Variants in CDHR2 observed in about 807,000 individuals in gnomAD.
The protein encoded by CDHR2 is cadherin-related family member 2.
Under a neutral mutation model 138.6 loss-of-function variants are expected in CDHR2, and 104 were observed. The observed-to-expected ratio is 0.75, with a 90% CI of 0.64 to 0.88. CDHR2 has a LOEUF of 0.88. Among genes scored for constraint, CDHR2 ranks in the 40% least tolerant of loss-of-function variants. CDHR2 has a pLI of 0.00. For missense variants in CDHR2, 1,624 were observed against 1,727.6 expected, an observed-to-expected ratio of 0.94 and a Z score of 1.06; for synonymous variants, 755 against 742.8, an observed-to-expected ratio of 1.02 and a Z score of -0.27.
Position 176,578,485 on chromosome 5 carries a change from C to T in CDHR2, c.1695C>T (p.Asn565=), listed in dbSNP as rs773673735. Residue 565 remains asparagine (N), a synonymous_variant, in exon 16 of 32, where the codon AAC becomes AAT. Transcript: ENST00000261944. The part of the protein sequence containing the change: ...YLTLQATDGG[N]LSSSTTLQIH... ...CGCTGCAGGCCACAGACGGCGGGAA[C>T]CTGTCCTCCTCCACCACACTGCAGA... 2 of 1,613,928 alleles carry T rather than the reference C, an allele frequency of 1.2e-6. No individual in the cohort carries two copies. Among genetic ancestry groups the T allele is most frequent in the Non-Finnish European group, 1.7e-6 (2 of 1,179,864 alleles).
Position 176,576,191 on chromosome 5 carries a change from C to T in CDHR2, c.1194+6C>T, listed in dbSNP as rs373756781. 6.9e-6 allele frequency: 9 copies of T among 1,305,714 alleles called. No homozygotes were observed. The highest frequency in any genetic ancestry group is 4.4e-5 in the African/African-American group (3 of 67,544). The allele number at this position is 1,305,714 out of a possible 1,614,324, so 80.9% of individuals were successfully genotyped here. A position where few individuals can be genotyped will look rare whatever the true frequency, so the allele number is the denominator to read the frequency against. Reference sequence around the variant, plus strand: ...TGGTCTACGACCCGGACAAGGCAGGCGTGGTGGCGTGGGTGTGGGCGGGGG... The same window carrying T: ...TGGTCTACGACCCGGACAAGGCAGGTGTGGTGGCGTGGGTGTGGGCGGGGG... On this transcript the variant is annotated splice_donor_region_variant and intron_variant, in intron 12 of 31. Coordinates refer to ENST00000261944, the MANE Select transcript of CDHR2 (RefSeq NM_017675.6). This position sits in a 1 kb window ranked among gnomAD's most constrained non-coding sequence, Gnocchi z 4.5.
At chr5:176,551,025 T>C (rs571126795) in intron 1 of CDHR2, among the ~76,000 whole-genome samples, 2 of 152,304 alleles carry the variant, frequency 1.3e-5, no homozygotes, top group East Asian at 3.9e-4. Context: ...GCACTTTCTT[T>C]TTGAGACGGA....
rs779701561 is a variant in CDHR2, at chr5:176,553,451, G to C, written c.-16+4037G>C. Among the ~76,000 whole-genome samples, 1 of 152,172 alleles carries C rather than the reference G, an allele frequency of 6.6e-6. No individual in the cohort carries two copies. The highest frequency in any genetic ancestry group is 1.5e-5 in the Non-Finnish European group (1 of 68,018). ...AGGGCAGGAATCTCCTGTCCTGCAG[G>C]CTGGACCCAGGGGAACTTTGTAATG... is the stretch of plus-strand genomic sequence containing the variant. On this transcript the variant is annotated intron_variant, in intron 1 of 31. Transcript: ENST00000261944. The surrounding 1 kb of genome is among the most constrained non-coding windows in gnomAD (Gnocchi z 4.3).
At chr5:176,570,411 TCA>T (rs1758197374) in intron 5 of CDHR2, among the ~76,000 whole-genome samples, 1 of 152,196 alleles carries the variant, frequency 6.6e-6, no homozygotes, top group East Asian at 1.9e-4. Context: ...AGTGGTGCAA[TCA>T]CAGCTCACAT....
chr5:176,590,670 C>T lies in CDHR2; in HGVS notation c.3522C>T (p.Phe1174=), dbSNP rs145867125. 1.6e-5 allele frequency: 26 copies of T among 1,613,262 alleles called. No homozygotes were observed. Among genetic ancestry groups the T allele is most frequent in the South Asian group, 6.6e-5 (6 of 91,042 alleles). ...TCCTTGTGATCATGACCATGGCCTT[C>T]GTGTGTGTGCGGAAGAGGTGCGGCT... The part of the protein sequence containing the change: ...LLVLVIMTMA[F]VCVRKSYNRK... The change falls in exon 28 of 32, where the codon TTC becomes TTT. Residue 1174 remains phenylalanine, a synonymous_variant. Transcript: ENST00000261944.
chr5:176,576,999 G>C lies in CDHR2; in HGVS notation c.1195-400G>C, dbSNP rs901149600. On this transcript the variant is annotated intron_variant, in intron 12 of 31. Transcript: ENST00000261944. This position sits in a 1 kb window ranked among gnomAD's most constrained non-coding sequence, Gnocchi z 4.5. ...ACTGAGGGGTTGGAAATGTTGCGTG[G>C]AGGACAGTGTCGGGTGGGGTTAGGT... Among the ~76,000 whole-genome samples, 11 of 152,058 alleles carry C rather than the reference G, an allele frequency of 7.2e-5. No individual in the cohort carries two copies. The highest frequency in any genetic ancestry group is 2.7e-4 in the African/African-American group (11 of 41,380).
At chr5:176,572,854 C>T (rs1758269245) in intron 6 of CDHR2, among the ~76,000 whole-genome samples, 1 of 152,188 alleles carries the variant, frequency 6.6e-6, no homozygotes, top group African/African-American at 2.4e-5. Context: ...GCAAGACAGA[C>T]CTGGTTGCTA....
In CDHR2 at chr5:176,581,263, GA is replaced by G. The variant is rs1212690505; in HGVS notation, c.1819-79del. On this transcript the variant is annotated intron_variant, in intron 16 of 31. Coordinates refer to ENST00000261944, the MANE Select transcript of CDHR2 (RefSeq NM_017675.6). ...ACTGCCTGCGTGGGCCAGCGCTGGA[GA>G]GGAGGGTCCGGCTGCATCGGAGGGG... 3 of 1,571,764 alleles carry G rather than the reference GA, an allele frequency of 1.9e-6. No individual in the cohort carries two copies. In the African/African-American group the frequency reaches 4.0e-5, roughly 21 times the overall value.
intron 24 of CDHR2, 151 bp downstream of exon 24, chr5:176,589,767 G>A (rs1758797183): frequency 1.1e-5 from 8 of 730,322 alleles, no homozygotes; most frequent in South Asian, 5.2e-5. Flanking sequence ...TCACCTGCAC[G>A]ACGTTCTTGC....
At chr5:176,591,162 A>G (rs1758832192) in intron 28 of CDHR2, 48 bp from the exon 29 acceptor site, 1 of 1,321,074 alleles carries the variant, frequency 7.6e-7, no homozygotes, top group Admixed American at 1.7e-5. Flanking sequence ...CACTGGGGAC[A>G]CAACAGGTGT....
At chr5:176,542,557 C>A (rs1028197376) in exon 1 of CDHR2, 1 of 152,178 alleles carries the variant, frequency 6.6e-6, no homozygotes, top group Non-Finnish European at 1.5e-5. Context: ...AAACCGAGGG[C>A]TGCAGGAGTG....
chr5:176,593,765 G>C (rs1271743196), intron 31 of CDHR2, among the ~76,000 whole-genome samples: 7 of 152,172 alleles, frequency 4.6e-5, no homozygotes, highest in Non-Finnish European at 1.0e-4. Flanking sequence ...TCCTTACATG[G>C]AAAGATTTGG....
In CDHR2 at chr5:176,591,166, C is replaced by T. The variant is rs367556742; in HGVS notation, c.3540-44C>T. 1.1e-4 allele frequency: 145 copies of T among 1,350,244 alleles called. No individual in the cohort carries two copies. In the African/African-American group the frequency reaches 1.7e-3, roughly 16 times the overall value. 83.6% of individuals were successfully genotyped at this position (1,350,244 alleles called of 1,614,324 possible). ...CTCAGGGCCTCCACTGGGGACACAACAGGTGTGCAGCAACAGTGTGACCCC... is the reference window on the plus strand; with the variant it reads ...CTCAGGGCCTCCACTGGGGACACAATAGGTGTGCAGCAACAGTGTGACCCC... On this transcript the variant is annotated intron_variant, in intron 28 of 31. Coordinates refer to ENST00000261944, the MANE Select transcript of CDHR2 (RefSeq NM_017675.6).
chr5:176,552,953 T>C (rs1465790333), intron 1 of CDHR2, among the ~76,000 whole-genome samples: 3 of 152,200 alleles, frequency 2.0e-5, no homozygotes, highest in Non-Finnish European at 4.4e-5. Flanking sequence ...GGGGAGAGAC[T>C]GTGCGTGCAT....
In CDHR2 at chr5:176,568,827, A is replaced by T; in HGVS notation, c.264+10A>T. 1 of 1,613,904 alleles carries T rather than the reference A, an allele frequency of 6.2e-7. No individual in the cohort carries two copies. Among genetic ancestry groups the T allele is most frequent in the East Asian group, 2.2e-5 (1 of 44,898 alleles). On this transcript the variant is annotated intron_variant, in intron 4 of 31. Coordinates refer to ENST00000261944, the MANE Select transcript of CDHR2 (RefSeq NM_017675.6). ...CGCTCTGGACTACGAGGTAAAGAGC[A>T]TCAGCCGGAGAGGGCACGGGACGCG...
At chr5:176,586,185 A>G (rs1758661494) in intron 20 of CDHR2, among the ~76,000 whole-genome samples, 160 bp downstream of exon 20, 1 of 151,900 alleles carries the variant, frequency 6.6e-6, no homozygotes, top group African/African-American at 2.4e-5. Context: ...AGGACATTGG[A>G]GTTTTCTTTT....
At chr5:176,561,816 T>C (rs1163039107) in intron 1 of CDHR2, among the ~76,000 whole-genome samples, 1 of 151,992 alleles carries the variant, frequency 6.6e-6, no homozygotes, top group Admixed American at 6.6e-5. Context: ...ATTTTTGTAT[T>C]TTTAGTAGAG....
At chr5:176,577,173 G>A (rs1758403042) in intron 12 of CDHR2, among the ~76,000 whole-genome samples, 1 of 152,106 alleles carries the variant, frequency 6.6e-6, no homozygotes, top group Non-Finnish European at 1.5e-5. Flanking sequence ...CTCCAGCCCA[G>A]GTCTGGGACC....
At chr5:176,574,629 T>A (rs1758321025) in intron 7 of CDHR2, among the ~76,000 whole-genome samples, 1 of 152,348 alleles carries the variant, frequency 6.6e-6, no homozygotes, top group Admixed American at 6.5e-5. Context: ...AGTATTTGCA[T>A]GTAACCTAGA....
Sources: allele counts gnomAD v4.1 joint callset (sites outside exome capture counted in the v4.1 genomes callset), GRCh38; gene constraint gnomAD v4.1.1; non-coding constraint Gnocchi (gnomAD v3.1); transcripts MANE v1.5; gene names NCBI Gene and HGNC (gene_info 2026-07-23, HGNC 2026-07-21).